PLCG2: variants seen among roughly 807,000 people sequenced by gnomAD.
The protein encoded by PLCG2 is 1-phosphatidylinositol 4,5-bisphosphate phosphodiesterase gamma-2.
Under a neutral mutation model 175.6 loss-of-function variants are expected in PLCG2, and 69 were observed. The observed-to-expected ratio is 0.39, with a 90% CI of 0.32 to 0.48. The LOEUF (loss-of-function observed/expected upper bound fraction) is 0.48, where lower values mean the gene tolerates loss of function less well. Among genes scored for constraint, PLCG2 ranks in the 20% least tolerant of loss-of-function variants. The probability of loss-of-function intolerance (pLI) is 0.91; values close to 1 mark genes in which losing one functional copy is unlikely to be tolerated. For missense variants in PLCG2, 1,798 were observed against 1,650.9 expected (o/e 1.09, Z -1.54); for synonymous variants, 827 against 624.0 (o/e 1.33, Z -4.85).
chr16:81,863,892 G>GTC (rs1334501786), intron 5 of PLCG2, among the ~76,000 whole-genome samples: 1 of 152,186 alleles, frequency 6.6e-6, no homozygotes, highest in Non-Finnish European at 1.5e-5. Flanking sequence ...AGGTGGGTGA[G>GTC]TCCATTTATC....
Position 81,806,027 on chromosome 16 carries a change from C to T in PLCG2, c.193+19845C>T, listed in dbSNP as rs80327777. On this transcript the variant is annotated intron_variant, in intron 2 of 32. Coordinates refer to ENST00000564138, the MANE Select transcript of PLCG2 (RefSeq NM_002661.5). Reference sequence around the variant, plus strand: ...CTTTATTAATAAATTTTATTTAACTCAGTATATCCAAAGCATTATTATTTC... The same window carrying T: ...CTTTATTAATAAATTTTATTTAACTTAGTATATCCAAAGCATTATTATTTC... 9.0e-3 allele frequency among the ~76,000 whole-genome samples: 1,370 copies of T among 151,900 alleles called. 24 individuals are homozygous for T. The highest frequency in any genetic ancestry group is 0.029 in the African/African-American group (1,186 of 41,436).
chr16:81,740,114 G>A (rs1340190370), intron 1 of PLCG2: 2 of 142,074 alleles, frequency 1.4e-5, no homozygotes, highest in Non-Finnish European at 3.0e-5. Context: ...TACCAGCCTG[G>A]GTAACAAAGC....
chr16:81,880,486 C>T (rs1371938997), intron 7 of PLCG2, among the ~76,000 whole-genome samples: 2 of 152,072 alleles, frequency 1.3e-5, no homozygotes, highest in Non-Finnish European at 2.9e-5. Flanking sequence ...AATCAAGTGA[C>T]ATGCTTATTG....
chr16:81,833,568 C>T (rs1317179147), intron 2 of PLCG2, among the ~76,000 whole-genome samples: 1 of 145,882 alleles, frequency 6.9e-6, no homozygotes, highest in African/African-American at 2.5e-5. Flanking sequence ...TTCACTCTGT[C>T]ACCCAGGCTG....
At chr16:81,771,066 A>T (rs953795917) in intron 2 of PLCG2, among the ~76,000 whole-genome samples, 1 of 107,494 alleles carries the variant, frequency 9.3e-6, no homozygotes, top group African/African-American at 3.9e-5. Flanking sequence ...TCAAAAAAAA[A>T]AAAAAATAAA....
intron 31 of PLCG2, among the ~76,000 whole-genome samples, chr16:81,950,865 A>C (rs1911338501): frequency 6.6e-6 from 1 of 152,282 alleles, no homozygotes; most frequent in African/African-American, 2.4e-5. Context: ...CTAAGTATTC[A>C]TCTTCAGAAC....
intron 19 of PLCG2, among the ~76,000 whole-genome samples, chr16:81,918,286 C>T (rs543993225): frequency 3.0e-4 from 45 of 152,262 alleles, no homozygotes; most frequent in Non-Finnish European, 5.1e-4. Flanking sequence ...ACCAATGCTA[C>T]GGAGGTTTTC....
intron 8 of PLCG2, 46 bp downstream of exon 8, chr16:81,880,999 CG>C: frequency 6.3e-7 from 1 of 1,591,776 alleles, no homozygotes; most frequent in Non-Finnish European, 8.6e-7. Flanking sequence ...TGCCGGACCT[CG>C]GTGCCTGGTG....
In PLCG2 at chr16:81,936,242, C is replaced by G; in HGVS notation, c.2916C>G (p.Val972=). ...ACAGCATCATCAGACAGAAGCCCGT[C>G]GACCTCCTGAAGTACAATCAAAAGG... The part of the protein sequence containing the change: ...KADSIIRQKP[V]DLLKYNQKGL... The change falls in exon 27 of 33, where the codon GTC becomes GTG. Residue 972 remains valine (V), a synonymous_variant. Transcript: ENST00000564138. 6.2e-7 allele frequency: 1 copy of G among 1,614,096 alleles called. No individual in the cohort carries two copies. Among genetic ancestry groups the G allele is most frequent in the Non-Finnish European group, 8.5e-7 (1 of 1,180,024 alleles).
At chr16:81,778,867 C>G (rs1910582605), upstream of PLCG2, among the ~76,000 whole-genome samples, 1 of 152,214 alleles carries the variant, frequency 6.6e-6, no homozygotes, top group Non-Finnish European at 1.5e-5. Context: ...CCCATCCTAG[C>G]TCATTGCTGT....
chr16:81,814,104 G>C (rs539425774), intron 2 of PLCG2, among the ~76,000 whole-genome samples: 4 of 152,266 alleles, frequency 2.6e-5, no homozygotes, highest in Non-Finnish European at 4.4e-5. Context: ...AGAGGATAAG[G>C]GGCTGGGAAC....
chr16:81,919,796 T>C (rs1158504387), intron 20 of PLCG2, 132 bp downstream of exon 20: 3 of 711,170 alleles, frequency 4.2e-6, no homozygotes, highest in Non-Finnish European at 7.0e-6. Context: ...GGGATACAAA[T>C]TGAGCACAAC....
intron 8 of PLCG2, among the ~76,000 whole-genome samples, chr16:81,881,763 T>G (rs1201548643): frequency 6.6e-6 from 1 of 151,802 alleles, no homozygotes; most frequent in African/African-American, 2.4e-5. Context: ...TCCTGCCTCA[T>G]CCTCCGAATA....
At chr16:81,865,700 C>T (rs1907194664) in intron 5 of PLCG2, among the ~76,000 whole-genome samples, 1 of 151,964 alleles carries the variant, frequency 6.6e-6, no homozygotes, top group African/African-American at 2.4e-5. Context: ...GGGGCACCAG[C>T]ATGAGAGGAC....
chr16:81,946,481 C>T (rs552757212), intron 31 of PLCG2, among the ~76,000 whole-genome samples: 3 of 152,240 alleles, frequency 2.0e-5, no homozygotes, highest in East Asian at 3.9e-4. Flanking sequence ...CTGTGTGATT[C>T]TGTGTAGGCA....
chr16:81,892,045 G>A (rs1908662022), intron 11 of PLCG2, among the ~76,000 whole-genome samples: 1 of 152,196 alleles, frequency 6.6e-6, no homozygotes, highest in African/African-American at 2.4e-5. Flanking sequence ...GACCTCCATT[G>A]AAAGTTAACC....
chr16:81,808,386 G>T (rs1236697466), intron 2 of PLCG2, among the ~76,000 whole-genome samples: 1 of 152,220 alleles, frequency 6.6e-6, no homozygotes, highest in Non-Finnish European at 1.5e-5. Context: ...AGAGAGGGAG[G>T]AGGGTCCTGA....
intron 1 of PLCG2, among the ~76,000 whole-genome samples, chr16:81,781,117 A>G (rs1201978876): frequency 6.6e-6 from 1 of 152,206 alleles, no homozygotes; most frequent in African/African-American, 2.4e-5. Flanking sequence ...CCGTTACATC[A>G]TCAGTTAATA....
intron 21 of PLCG2, chr16:81,923,267 C>T: frequency 2.0e-6 from 1 of 506,364 alleles, no homozygotes; most frequent in Middle Eastern, 5.2e-4. Flanking sequence ...CCCAGGTACC[C>T]TTGGCTCTGA....
Sources: gnomAD v4.1 joint callset for allele counts (sites outside exome capture counted in the v4.1 genomes callset) on GRCh38, gnomAD v4.1.1 for gene constraint, MANE v1.5 for transcripts, NCBI Gene and HGNC (gene_info 2026-07-23, HGNC 2026-07-21) for gene names.